Variants in LRRC4C observed in about 807,000 individuals in gnomAD.
The protein encoded by LRRC4C is leucine rich repeat containing 4C.
In LRRC4C, 5 loss-of-function variants were observed where a neutral mutation model predicts 33.6. That is an observed-to-expected ratio of 0.15 (90% CI 0.08 to 0.31). The LOEUF (loss-of-function observed/expected upper bound fraction) is 0.31. LRRC4C is among the 10% of genes least tolerant of loss of function. LRRC4C has a pLI of 1.00. For synonymous variants in LRRC4C, 329 were observed against 302.0 expected (o/e 1.09, Z -0.93); for missense variants, 560 against 796.7 (o/e 0.70, Z 3.58).
At chr11:41,264,776 C>T (rs754604747) in intron 1 of LRRC4C, among the ~76,000 whole-genome samples, 33 of 152,214 alleles carry the variant, frequency 2.2e-4, no homozygotes, top group Admixed American at 3.9e-4. Context: ...AGAGGATAGA[C>T]ATATTTTTAG....
At chr11:41,015,667 A>C (rs1006331705) in intron 1 of LRRC4C, among the ~76,000 whole-genome samples, 1 of 152,168 alleles carries the variant, frequency 6.6e-6, no homozygotes, top group African/African-American at 2.4e-5. Flanking sequence ...GTTTTAAGGG[A>C]GTGATCTGAG....
chr11:40,191,875 G>A (rs1045157413), intron 5 of LRRC4C, among the ~76,000 whole-genome samples: 5 of 152,156 alleles, frequency 3.3e-5, no homozygotes, highest in East Asian at 1.9e-4. Flanking sequence ...CAAAAGAATC[G>A]CTTGAGCCCA....
chr11:41,206,808 C>A (rs1946619968), intron 1 of LRRC4C, among the ~76,000 whole-genome samples: 1 of 151,980 alleles, frequency 6.6e-6, no homozygotes, highest in African/African-American at 2.4e-5. Context: ...AATCTCAATC[C>A]TCATAACCAA....
At chr11:41,436,327 A>T (rs1159696148) in intron 1 of LRRC4C, among the ~76,000 whole-genome samples, 1 of 152,220 alleles carries the variant, frequency 6.6e-6, no homozygotes, top group East Asian at 1.9e-4. Context: ...TGTTAAGATA[A>T]ACATACACCC....
chr11:40,915,126 T>C (rs1457016834), intron 2 of LRRC4C, among the ~76,000 whole-genome samples: 1 of 152,006 alleles, frequency 6.6e-6, no homozygotes, highest in Non-Finnish European at 1.5e-5. Flanking sequence ...CTGCCCAAGG[T>C]AATTTATAGA....
intron 1 of LRRC4C, among the ~76,000 whole-genome samples, chr11:41,329,592 A>T (rs1951228948): frequency 6.6e-6 from 1 of 152,128 alleles, no homozygotes; most frequent in Non-Finnish European, 1.5e-5. Flanking sequence ...TATATTCATG[A>T]TTACTGCCTT....
intron 1 of LRRC4C, among the ~76,000 whole-genome samples, chr11:41,224,808 G>A (rs7944596): frequency 0.095 from 14,381 of 152,160 alleles, 1,583 homozygotes; most frequent in African/African-American, 0.27. Context: ...TACATGATGT[G>A]AAGAGTAGTC....
chr11:41,304,312 CT>C (rs1385756334), intron 1 of LRRC4C, among the ~76,000 whole-genome samples: 3 of 111,244 alleles, frequency 2.7e-5, no homozygotes, highest in African/African-American at 7.0e-5. Flanking sequence ...TGAGGAGCCC[CT>C]CTGCCCGGCC....
chr11:41,056,829 T>C (rs1326620176), intron 1 of LRRC4C, among the ~76,000 whole-genome samples: 1 of 152,190 alleles, frequency 6.6e-6, no homozygotes, highest in African/African-American at 2.4e-5. Flanking sequence ...TGATGGGCCA[T>C]CTGGAGCAGC....
At chr11:40,541,803 A>G (rs909746012) in intron 3 of LRRC4C, among the ~76,000 whole-genome samples, 2 of 152,152 alleles carry the variant, frequency 1.3e-5, no homozygotes, top group Non-Finnish European at 2.9e-5. Context: ...GCTGCTTAGT[A>G]AATGTTGGTT....
chr11:40,441,740 A>G (rs935096366), intron 3 of LRRC4C, among the ~76,000 whole-genome samples: 1 of 152,242 alleles, frequency 6.6e-6, no homozygotes, highest in Non-Finnish European at 1.5e-5. Context: ...ACCCACCTAC[A>G]TTACAGGGTT....
At chr11:41,131,773 A>G (rs540471630) in intron 1 of LRRC4C, among the ~76,000 whole-genome samples, 1 of 152,216 alleles carries the variant, frequency 6.6e-6, no homozygotes, top group Non-Finnish European at 1.5e-5. Flanking sequence ...GATGGCAATA[A>G]AAGTTACCTC....
At chr11:41,203,875 T>TCCC (rs1946494902) in intron 1 of LRRC4C, among the ~76,000 whole-genome samples, 1 of 152,212 alleles carries the variant, frequency 6.6e-6, no homozygotes, top group Non-Finnish European at 1.5e-5. Context: ...TAAGACAGCC[T>TCCC]ATGGGAGCCT....
chr11:40,208,480 A>G (rs1863327120), intron 5 of LRRC4C, among the ~76,000 whole-genome samples: 1 of 152,000 alleles, frequency 6.6e-6, no homozygotes, highest in African/African-American at 2.4e-5. Context: ...TTGAAGTACT[A>G]ATTTTTTTTA....
intron 2 of LRRC4C, among the ~76,000 whole-genome samples, chr11:40,688,207 C>T (rs1284170514): frequency 6.6e-6 from 1 of 152,106 alleles, no homozygotes; most frequent in Admixed American, 6.6e-5. Context: ...TAGATGTTAT[C>T]ACACAGAGCT....
rs1278315951 is a variant in LRRC4C at position 40,633,381 on chromosome 11, T to TCTCTCTC, written c.-270+14760_-270+14761insGAGAGAG. Reference sequence around the variant, plus strand: ...TCTTTCTTTCTTTCTTTCTCTCTCTTTCTTTCTTTCTTTCTTTTTTTTTTT... The same window carrying TCTCTCTC: ...TCTTTCTTTCTTTCTTTCTCTCTCTTCTCTCTCTCTTTCTTTCTTTCTTTTTTTTTTT... On this transcript the variant is annotated intron_variant, in intron 3 of 6. Coordinates refer to ENST00000528697, the MANE Select transcript of LRRC4C (RefSeq NM_001258419.2). Among the ~76,000 whole-genome samples the TCTCTCTC allele has an allele frequency of 3.8e-4, 26 of 68,266 alleles. 2 individuals carry two copies. Among genetic ancestry groups the TCTCTCTC allele is most frequent in the Admixed American group, 3.3e-3 (21 of 6,356 alleles). 44.8% of individuals were successfully genotyped at this position (68,266 alleles called of 152,430 possible).
At chr11:40,662,354 A>C (rs924472502) in intron 2 of LRRC4C, among the ~76,000 whole-genome samples, 1 of 152,154 alleles carries the variant, frequency 6.6e-6, no homozygotes, top group African/African-American at 2.4e-5. Flanking sequence ...CCAAGATCTG[A>C]CCACAAACCC....
intron 1 of LRRC4C, among the ~76,000 whole-genome samples, chr11:41,438,257 A>T (rs907380830): frequency 6.6e-6 from 1 of 152,060 alleles, no homozygotes; most frequent in African/African-American, 2.4e-5. Context: ...TTAAACAGGT[A>T]TCTATAGTAA....
In LRRC4C at chr11:40,426,304, C is replaced by T. The variant is rs147520070; in HGVS notation, c.-269-106583G>A. On this transcript the variant is annotated intron_variant, in intron 3 of 6. Coordinates refer to ENST00000528697, the MANE Select transcript of LRRC4C (RefSeq NM_001258419.2). ...CTGGGATTACAGGTGTGAGCCACCG[C>T]GCCTGGCCAGCCACAGTTACTTCTA... is the stretch of plus-strand genomic sequence containing the variant. Among the ~76,000 whole-genome samples, 14 of 152,098 alleles carry T rather than the reference C, an allele frequency of 9.2e-5. No individual in the cohort carries two copies. The East Asian group carries it at 2.5e-3, about 27-fold the overall frequency.
Sources: gnomAD v4.1 joint callset for allele counts (sites outside exome capture counted in the v4.1 genomes callset) on GRCh38, gnomAD v4.1.1 for gene constraint, MANE v1.5 for transcripts, NCBI Gene and HGNC (gene_info 2026-07-23, HGNC 2026-07-21) for gene names.